The following DMGDH variants were observed in gnomAD, a reference collection of about 807,000 sequenced individuals.
The protein encoded by DMGDH is dimethylglycine dehydrogenase.
A neutral mutation model predicts 95.2 loss-of-function variants in DMGDH; 76 were observed. That is an observed-to-expected ratio of 0.80 (90% CI 0.66 to 0.97). The LOEUF (loss-of-function observed/expected upper bound fraction) is 0.97. Among genes scored for constraint, DMGDH ranks in the 50% least tolerant of loss-of-function variants. The probability of loss-of-function intolerance (pLI) is 0.00; values close to 1 mark genes in which losing one functional copy is unlikely to be tolerated. For missense variants in DMGDH, 987 were observed against 1,055.0 expected (o/e 0.94, Z 0.89); for synonymous variants, 345 against 377.6 (o/e 0.91, Z 1.00).
At chr5:79,030,692 G>T in intron 10 of DMGDH, 141 bp downstream of exon 10, 6 of 760,270 alleles carry the variant, frequency 7.9e-6, no homozygotes, top group Non-Finnish European at 1.0e-5. Context: ...AAGTAAATAA[G>T]CTTGTATACT....
rs1256765918 is a variant in DMGDH, at chr5:79,005,370, A to G, written c.2288T>C (p.Ile763Thr). Residue 763 changes from isoleucine to threonine, a missense_variant, in exon 15 of 16, where the codon ATT (isoleucine) becomes ACT (threonine). Ile to Thr is a moderately conservative substitution (Grantham distance 89). Coordinates refer to ENST00000255189, the MANE Select transcript of DMGDH (RefSeq NM_013391.3). Reference sequence around the variant, plus strand: ...TCTTCGTTTCAGCCCCTTGGCTTTAATCTGTTTCAGTGCTTGCTTTCCTAT... The same window carrying G: ...TCTTCGTTTCAGCCCCTTGGCTTTAGTCTGTTTCAGTGCTTGCTTTCCTAT... ...DFIGKQALKQ[I>T]KAKGLKRRLV... is the part of the protein sequence containing the mutation. The G allele has an allele frequency of 1.9e-6, 3 of 1,613,982 alleles. No homozygotes were observed. Among genetic ancestry groups the G allele is most frequent in the African/African-American group, 2.7e-5 (2 of 74,942 alleles).
intron 15 of DMGDH, among the ~76,000 whole-genome samples, chr5:79,003,124 T>C (rs1039667019): frequency 6.6e-6 from 1 of 152,214 alleles, no homozygotes; most frequent in Non-Finnish European, 1.5e-5. Flanking sequence ...TTTCATTCCA[T>C]GCTGAGTAAA....
At chr5:79,032,454 T>A (rs1479310890) in intron 9 of DMGDH, among the ~76,000 whole-genome samples, 1 of 152,162 alleles carries the variant, frequency 6.6e-6, no homozygotes, top group Non-Finnish European at 1.5e-5. Context: ...GCCAAGAGGC[T>A]TCACCAAGGC....
At chr5:79,060,022 A>G (rs1467701970) in intron 2 of DMGDH, among the ~76,000 whole-genome samples, 1 of 152,238 alleles carries the variant, frequency 6.6e-6, no homozygotes, top group Non-Finnish European at 1.5e-5. Flanking sequence ...TACGGAAGAC[A>G]AGAGAAAGAA....
chr5:79,040,360 C>A (rs750990694), intron 7 of DMGDH, among the ~76,000 whole-genome samples: 11 of 152,176 alleles, frequency 7.2e-5, no homozygotes, highest in South Asian at 2.1e-4. Flanking sequence ...TCAATGAGGA[C>A]AGAATAGTCT....
chr5:79,005,192 G>T (rs1753524098), intron 15 of DMGDH, 81 bp downstream of exon 15: 3 of 1,585,244 alleles, frequency 1.9e-6, no homozygotes, highest in South Asian at 2.2e-5. Flanking sequence ...TAGCAAAAGG[G>T]TTTAAGAGGA....
At chr5:79,035,265 T>C (rs956363027) in intron 7 of DMGDH, among the ~76,000 whole-genome samples, 3 of 152,184 alleles carry the variant, frequency 2.0e-5, no homozygotes, top group South Asian at 2.1e-4. Flanking sequence ...AATGCCCATA[T>C]AGATCAAGTA....
intron 1 of DMGDH, among the ~76,000 whole-genome samples, chr5:79,067,668 C>T (rs75800921): frequency 1.8e-4 from 27 of 152,218 alleles, no homozygotes; most frequent in African/African-American, 6.5e-4. Flanking sequence ...AGGTTTCAGA[C>T]TAGGTATAGT....
chr5:79,031,012 T>G lies in DMGDH; in HGVS notation c.1518-14A>C. On this transcript the variant is annotated splice_polypyrimidine_tract_variant and intron_variant, in intron 9 of 15. Transcript: ENST00000255189. ...CGAAAACTTGGCCTGAAACACAACATTTAGTGTCATAAAACAACTCCCGTT... is the reference window on the plus strand; with the variant it reads ...CGAAAACTTGGCCTGAAACACAACAGTTAGTGTCATAAAACAACTCCCGTT... 3.1e-6 allele frequency: 5 copies of G among 1,614,096 alleles called. No individual in the cohort carries two copies. Among genetic ancestry groups the G allele is most frequent in the Non-Finnish European group, 4.2e-6 (5 of 1,179,978 alleles).
intron 7 of DMGDH, 65 bp downstream of exon 7, chr5:79,042,218 T>A (rs1754529090): frequency 1.4e-6 from 2 of 1,457,060 alleles, no homozygotes; most frequent in Admixed American, 1.7e-5. Flanking sequence ...CCTGAGAATA[T>A]GGAACTAGAT....
At chr5:79,003,984 CT>C (rs1347886083) in intron 15 of DMGDH, among the ~76,000 whole-genome samples, 4 of 142,398 alleles carry the variant, frequency 2.8e-5, no homozygotes, top group Non-Finnish European at 4.7e-5. Flanking sequence ...AAAATAAATT[CT>C]TAAGAAACTA....
intron 15 of DMGDH, among the ~76,000 whole-genome samples, chr5:78,999,277 T>G (rs995815525): frequency 1.3e-5 from 2 of 152,232 alleles, no homozygotes; most frequent in African/African-American, 4.8e-5. Flanking sequence ...TCCCAGTTTT[T>G]AATTCTCTCT....
intron 5 of DMGDH, among the ~76,000 whole-genome samples, chr5:79,048,640 C>A (rs1201070229): frequency 6.6e-6 from 1 of 152,146 alleles, no homozygotes; most frequent in African/African-American, 2.4e-5. Context: ...TCTTTGCTAG[C>A]TTCAGTTCTA....
chr5:79,051,834 T>G (rs146422767), intron 4 of DMGDH, among the ~76,000 whole-genome samples: 29 of 152,362 alleles, frequency 1.9e-4, no homozygotes, highest in Non-Finnish European at 3.4e-4. Flanking sequence ...GTCAGGAAAT[T>G]TATGTTTGAT....
chr5:79,021,694 A>C (rs1172862939), intron 14 of DMGDH: 2 of 1,298,990 alleles, frequency 1.5e-6, no homozygotes, highest in Non-Finnish European at 2.0e-6. Context: ...ATCATAAAAC[A>C]CAAAATTAGT....
At chr5:79,028,992 C>T (rs1399182745) in intron 11 of DMGDH, among the ~76,000 whole-genome samples, 4 of 152,052 alleles carry the variant, frequency 2.6e-5, no homozygotes, top group African/African-American at 9.7e-5. Context: ...TAATTTAAAC[C>T]CAAATTTTCT....
At chr5:79,044,957 G>C (rs1754629793) in intron 5 of DMGDH, among the ~76,000 whole-genome samples, 1 of 152,152 alleles carries the variant, frequency 6.6e-6, no homozygotes, top group South Asian at 2.1e-4. Context: ...CAAAGGAAGA[G>C]GCCCCTGTGT....
Position 79,069,653 on chromosome 5 carries a change from C to T in DMGDH, c.-33G>A. 2 of 1,313,026 alleles carry T rather than the reference C, an allele frequency of 1.5e-6. No individual in the cohort carries two copies. The highest frequency in any genetic ancestry group is 2.3e-5 in the South Asian group (1 of 43,058). The allele number at this position is 1,313,026 out of a possible 1,614,324, so 81.3% of individuals were successfully genotyped here. A position where few individuals can be genotyped will look rare whatever the true frequency, so the allele number is the denominator to read the frequency against. On this transcript the variant is annotated 5_prime_UTR_variant, in exon 1 of 16. Coordinates refer to ENST00000255189, the MANE Select transcript of DMGDH (RefSeq NM_013391.3). ...CCGAGGCCGAGGGCGCAGGCGCCTGCTCCGAGGCCAGCGGGCAGCCTGAGG... is the reference window on the plus strand; with the variant it reads ...CCGAGGCCGAGGGCGCAGGCGCCTGTTCCGAGGCCAGCGGGCAGCCTGAGG...
At chr5:79,039,238 G>T (rs1203643056) in intron 7 of DMGDH, among the ~76,000 whole-genome samples, 1 of 152,008 alleles carries the variant, frequency 6.6e-6, no homozygotes, top group Non-Finnish European at 1.5e-5. Flanking sequence ...AAATCATGCT[G>T]CTATAAAGAT....
Sources: allele counts gnomAD v4.1 joint callset (sites outside exome capture counted in the v4.1 genomes callset), GRCh38; gene constraint gnomAD v4.1.1; transcripts MANE v1.5; gene names NCBI Gene and HGNC (gene_info 2026-07-23, HGNC 2026-07-21).